CACNA2D2: variants seen among roughly 807,000 people sequenced by gnomAD.
CACNA2D2 encodes voltage-dependent calcium channel subunit alpha-2/delta-2.
A neutral mutation model predicts 166.4 loss-of-function variants in CACNA2D2; 48 were observed. That is an observed-to-expected ratio of 0.29 (90% CI 0.23 to 0.37). The LOEUF (loss-of-function observed/expected upper bound fraction) is 0.37, where lower values mean the gene tolerates loss of function less well. Ranked by LOEUF, CACNA2D2 falls within the 10% of genes least tolerant of loss-of-function variation. The probability of loss-of-function intolerance (pLI) is 1.00; values close to 1 mark genes in which losing one functional copy is unlikely to be tolerated. For synonymous variants in CACNA2D2, 561 were observed against 573.7 expected, an observed-to-expected ratio of 0.98 and a Z score of 0.32; for missense variants, 1,122 against 1,433.0, an observed-to-expected ratio of 0.78 and a Z score of 3.50.
chr3:50,439,967 T>TA (rs1708513771), intron 2 of CACNA2D2, among the ~76,000 whole-genome samples: 1 of 152,002 alleles, frequency 6.6e-6, no homozygotes, highest in Admixed American at 6.5e-5. Flanking sequence ...AGTGAGAAAA[T>TA]AGAGGGTATT....
chr3:50,430,497 G>A (rs556496216), intron 3 of CACNA2D2, among the ~76,000 whole-genome samples: 21 of 152,332 alleles, frequency 1.4e-4, no homozygotes, highest in African/African-American at 4.8e-4. Flanking sequence ...TTTCATAGGG[G>A]GAGAAACTAA....
In CACNA2D2 at chr3:50,365,496, G is replaced by A. The variant is rs1347534730; in HGVS notation, c.2972-14C>T. The A allele has an allele frequency of 2.5e-6, 4 of 1,612,456 alleles. No individual in the cohort carries two copies. Among genetic ancestry groups the A allele is most frequent in the Admixed American group, 3.3e-5 (2 of 59,858 alleles). ...CCTCCGCGGGGTCTGCGAGGGCCCA[G>A]AGCGCCTCAGCTCCGCCCACAGACC... On this transcript the variant is annotated splice_polypyrimidine_tract_variant and intron_variant, in intron 34 of 37. Transcript: ENST00000424201. This position sits in a 1 kb window ranked among gnomAD's most constrained non-coding sequence, Gnocchi z 4.5.
chr3:50,429,296 G>T (rs1356036048), intron 3 of CACNA2D2, among the ~76,000 whole-genome samples: 1 of 152,100 alleles, frequency 6.6e-6, no homozygotes, highest in Admixed American at 6.5e-5. Flanking sequence ...CTGAAGCTCA[G>T]TTTCCTCAAA....
At chr3:50,401,271 A>G (rs1476519225) in intron 3 of CACNA2D2, among the ~76,000 whole-genome samples, 1 of 151,952 alleles carries the variant, frequency 6.6e-6, no homozygotes, top group African/African-American at 2.4e-5. Context: ...TTTTTTTTTA[A>G]TTTAAAAAAG....
chr3:50,485,638 C>T (rs899321304), intron 1 of CACNA2D2, among the ~76,000 whole-genome samples: 2 of 152,224 alleles, frequency 1.3e-5, no homozygotes, highest in Non-Finnish European at 2.9e-5. Context: ...TGAGAAACTC[C>T]TAGGATACGG....
At chr3:50,476,442 G>A (rs1170991874) in intron 1 of CACNA2D2, among the ~76,000 whole-genome samples, 1 of 152,244 alleles carries the variant, frequency 6.6e-6, no homozygotes, top group Non-Finnish European at 1.5e-5. Context: ...CATTGTGGAT[G>A]TGCTGAGGGA....
At chr3:50,387,424 TG>T in intron 5 of CACNA2D2, 143 bp downstream of exon 5, 1 of 733,438 alleles carries the variant, frequency 1.4e-6, no homozygotes, top group South Asian at 1.5e-5. Flanking sequence ...TCTAGGGAGT[TG>T]TGGGAGGTGG....
chr3:50,389,951 C>T (rs1030084995), intron 4 of CACNA2D2, among the ~76,000 whole-genome samples: 4 of 148,926 alleles, frequency 2.7e-5, no homozygotes, highest in Admixed American at 2.0e-4. Flanking sequence ...ATAAATACAG[C>T]TGTGACTGCT....
intron 2 of CACNA2D2, among the ~76,000 whole-genome samples, chr3:50,444,630 T>G (rs1708759193): frequency 6.6e-6 from 1 of 152,234 alleles, no homozygotes; most frequent in Admixed American, 6.5e-5. Context: ...TTCTGTCCTG[T>G]GCTGCTGAGA....
chr3:50,451,869 T>C (rs921751729), intron 2 of CACNA2D2, among the ~76,000 whole-genome samples: 5 of 152,186 alleles, frequency 3.3e-5, no homozygotes, highest in Middle Eastern at 3.4e-3. Context: ...CAATGGTCCA[T>C]TTTGCAGGTG....
At chr3:50,418,358 C>A (rs1707367543) in intron 3 of CACNA2D2, among the ~76,000 whole-genome samples, 1 of 152,334 alleles carries the variant, frequency 6.6e-6, no homozygotes, top group Middle Eastern at 3.4e-3. Context: ...TTTCTACCTT[C>A]TTGGCCCTCC....
intron 1 of CACNA2D2, among the ~76,000 whole-genome samples, chr3:50,480,408 C>A (rs1004063866): frequency 6.6e-6 from 1 of 152,062 alleles, no homozygotes; most frequent in Non-Finnish European, 1.5e-5. Flanking sequence ...CAATACAGCC[C>A]CTCCCCTAAG....
At chr3:50,426,909 G>A (rs1384659547) in intron 3 of CACNA2D2, among the ~76,000 whole-genome samples, 4 of 152,174 alleles carry the variant, frequency 2.6e-5, no homozygotes, top group African/African-American at 9.7e-5. Context: ...CCATGTCCCA[G>A]CCATGTCCCA....
In CACNA2D2 at chr3:50,398,174, G is replaced by A. The variant is rs533758480; in HGVS notation, c.406-4006C>T. Among the ~76,000 whole-genome samples, 4 of 152,286 alleles carry A rather than the reference G, an allele frequency of 2.6e-5. 1 individual carries two copies. The highest frequency in any genetic ancestry group is 9.6e-5 in the African/African-American group (4 of 41,558). On this transcript the variant is annotated intron_variant, in intron 3 of 37. Coordinates refer to ENST00000424201, the MANE Select transcript of CACNA2D2 (RefSeq NM_006030.4). Reference sequence around the variant, plus strand: ...GTGCCTGTCTCTGGAGTGCCTGCCTGTCTTGGGGAGATGCACTCCATTCCT... The same window carrying A: ...GTGCCTGTCTCTGGAGTGCCTGCCTATCTTGGGGAGATGCACTCCATTCCT...
At position 50,367,764 on chromosome 3, in the gene CACNA2D2, T is replaced by C; in HGVS notation, c.2234+48A>G. ...CCTTCTGCTGGGCAGGTCCAGGGCC[T>C]CTGGGCCCATCCTAGCCTTCTGCCC... On this transcript the variant is annotated intron_variant, in intron 25 of 37. Coordinates refer to ENST00000424201, the MANE Select transcript of CACNA2D2 (RefSeq NM_006030.4). The surrounding 1 kb of genome is among the most constrained non-coding windows in gnomAD (Gnocchi z 6.5). 3.1e-6 allele frequency: 5 copies of C among 1,611,738 alleles called. No homozygotes were observed. The highest frequency in any genetic ancestry group is 4.2e-6 in the Non-Finnish European group (5 of 1,178,234).
chr3:50,424,474 C>T (rs750266334), intron 3 of CACNA2D2, among the ~76,000 whole-genome samples: 1 of 152,182 alleles, frequency 6.6e-6, no homozygotes, highest in Non-Finnish European at 1.5e-5. Flanking sequence ...CACCTCAGGA[C>T]CTTGGGCCTT....
At chr3:50,496,431 C>T (rs1698728314) in intron 1 of CACNA2D2, among the ~76,000 whole-genome samples, 1 of 152,202 alleles carries the variant, frequency 6.6e-6, no homozygotes, top group South Asian at 2.1e-4. Flanking sequence ...TGTAGACACG[C>T]CCACATACAA....
chr3:50,367,812 G>A lies in CACNA2D2; in HGVS notation c.2234C>T (p.Thr745Met), dbSNP rs745793280. ...ERVWRDQDLN[T>M]YSLLAVFAAT... Reference sequence around the variant, plus strand: ...CCCCCACAGGCTGGGTGATGCCTACGTGTTGAGATCCTGGTCCCTCCACAC... The same window carrying A: ...CCCCCACAGGCTGGGTGATGCCTACATGTTGAGATCCTGGTCCCTCCACAC... Residue 745 changes from threonine (T) to methionine (M), a missense_variant and splice_region_variant, in exon 25 of 38, where the codon ACG becomes ATG. Thr to Met is a moderately conservative substitution (Grantham distance 81). Around this residue, in one of 2 missense-constraint regions of CACNA2D2, gnomAD observed 840 missense variants for 1,166.8 expected, o/e 0.72. Transcript: ENST00000424201. This position sits in a 1 kb window ranked among gnomAD's most constrained non-coding sequence, Gnocchi z 6.5. The A allele has an allele frequency of 1.7e-5, 27 of 1,608,364 alleles. No homozygotes were observed. The highest frequency in any genetic ancestry group is 6.7e-5 in the African/African-American group (5 of 74,696).
chr3:50,462,403 A>C (rs1352020556), intron 2 of CACNA2D2, among the ~76,000 whole-genome samples: 1 of 145,486 alleles, frequency 6.9e-6, no homozygotes, highest in African/African-American at 2.6e-5. Flanking sequence ...TAATAATAAT[A>C]ATAATAATAA....
Sources: gnomAD v4.1 joint callset for allele counts (sites outside exome capture counted in the v4.1 genomes callset) on GRCh38, gnomAD v4.1.1 for gene constraint, gnomAD v4.1.1 regional missense constraint, Gnocchi (gnomAD v3.1) non-coding constraint, MANE v1.5 for transcripts, NCBI Gene and HGNC (gene_info 2026-07-23, HGNC 2026-07-21) for gene names.